Variants in BRWD1 observed in about 807,000 individuals in gnomAD.
The protein encoded by BRWD1 is bromodomain and WD repeat-containing protein 1.
A neutral mutation model predicts 251.2 loss-of-function variants in BRWD1; 82 were observed. The ratio of observed to expected loss-of-function variants is 0.33; its 90% CI spans 0.27 to 0.39. BRWD1 has a LOEUF of 0.39. Among genes scored for constraint, BRWD1 ranks in the 10% least tolerant of loss-of-function variants. The pLI is 1.00. For missense variants in BRWD1, 2,233 were observed against 2,711.6 expected (o/e 0.82, Z 3.92); for synonymous variants, 918 against 902.8 (o/e 1.02, Z -0.30).
intron 34 of BRWD1, among the ~76,000 whole-genome samples, 155 bp from the exon 35 acceptor site, chr21:39,211,084 A>G (rs932520356): frequency 2.0e-5 from 3 of 152,212 alleles, no homozygotes; most frequent in African/African-American, 7.2e-5. Context: ...TAAACTATGC[A>G]TGAAACGTAA....
chr21:39,229,274 TA>T, intron 26 of BRWD1, 37 bp downstream of exon 26: 2 of 1,524,610 alleles, frequency 1.3e-6, no homozygotes, highest in Non-Finnish European at 1.8e-6. Context: ...ATGGCAAATT[TA>T]AATTTAAGTA....
intron 8 of BRWD1, among the ~76,000 whole-genome samples, chr21:39,282,954 C>T (rs939197542): frequency 3.1e-5 from 4 of 128,174 alleles, no homozygotes; most frequent in Admixed American, 8.1e-5. Flanking sequence ...AGCGGAACTC[C>T]GTCACAAAAA....
chr21:39,191,528 G>A lies in BRWD1; in HGVS notation c.*4731C>T. Reference sequence around the variant, plus strand: ...TAGAACATTAACGATCTTATGTGAAGTGGAAAACTAAAGATCTGCTTGACA... The same window carrying A: ...TAGAACATTAACGATCTTATGTGAAATGGAAAACTAAAGATCTGCTTGACA... On this transcript the variant is annotated 3_prime_UTR_variant, in exon 41 of 41. Transcript: ENST00000342449. 1.0e-6 allele frequency: 1 copy of A among 980,240 alleles called. No homozygotes were observed. Among genetic ancestry groups the A allele is most frequent in the Non-Finnish European group, 1.2e-6 (1 of 825,264 alleles). 60.7% of individuals were successfully genotyped at this position (980,240 alleles called of 1,614,324 possible). A position where few individuals can be genotyped will look rare whatever the true frequency, so the allele number is the denominator to read the frequency against.
chr21:39,273,433 T>C (rs1410150087), intron 13 of BRWD1, among the ~76,000 whole-genome samples: 2 of 152,192 alleles, frequency 1.3e-5, no homozygotes, highest in African/African-American at 4.8e-5. Context: ...ATTTTGAAAA[T>C]GCAATACAAT....
At chr21:39,297,566 G>A (rs1485545925) in intron 5 of BRWD1, 3 of 309,724 alleles carry the variant, frequency 9.7e-6, no homozygotes, top group African/African-American at 2.3e-5. Context: ...GGACACAGAA[G>A]AGGAAGAATA....
chr21:39,188,053 T>C lies in BRWD1; in HGVS notation c.*8206A>G, dbSNP rs1304197086. The C allele has an allele frequency of 4.1e-6, 4 of 985,284 alleles. No homozygotes were observed. The highest frequency in any genetic ancestry group is 1.7e-5 in the African/African-American group (1 of 57,242). The allele number at this position is 985,284 out of a possible 1,614,324, so 61.0% of individuals were successfully genotyped here. A position where few individuals can be genotyped will look rare whatever the true frequency, so the allele number is the denominator to read the frequency against. On this transcript the variant is annotated 3_prime_UTR_variant, in exon 41 of 41. Coordinates refer to ENST00000342449, the MANE Select transcript of BRWD1 (RefSeq NM_033656.4). Reference sequence around the variant, plus strand: ...CACACTGGAGCTCTACACAGCCACATGATGCCAGAGCTACTACTCCGTGCT... The same window carrying C: ...CACACTGGAGCTCTACACAGCCACACGATGCCAGAGCTACTACTCCGTGCT...
chr21:39,287,974 T>C (rs570875897), intron 8 of BRWD1, among the ~76,000 whole-genome samples: 2 of 152,320 alleles, frequency 1.3e-5, no homozygotes, highest in East Asian at 3.9e-4. Flanking sequence ...TCATAGTCTC[T>C]ATGGTCCAAG....
intron 18 of BRWD1, among the ~76,000 whole-genome samples, chr21:39,256,071 G>A (rs2034553991): frequency 6.6e-6 from 1 of 152,104 alleles, no homozygotes; most frequent in Non-Finnish European, 1.5e-5. Flanking sequence ...TCTTAACCAC[G>A]GCTTCCCAAA....
chr21:39,317,373 T>C (rs2036709625), upstream of BRWD1, among the ~76,000 whole-genome samples: 1 of 152,236 alleles, frequency 6.6e-6, no homozygotes, highest in African/African-American at 2.4e-5. Flanking sequence ...CATTAAGCTA[T>C]AGGGTTGCAT....
intron 8 of BRWD1, among the ~76,000 whole-genome samples, chr21:39,287,739 C>G (rs2035686204): frequency 6.6e-6 from 1 of 152,096 alleles, no homozygotes; most frequent in African/African-American, 2.4e-5. Flanking sequence ...TTTTTTCTAT[C>G]CTTAATTTCT....
At chr21:39,213,440 G>A (rs756162136) in intron 33 of BRWD1, 41 bp downstream of exon 33, 1 of 1,520,916 alleles carries the variant, frequency 6.6e-7, no homozygotes, top group South Asian at 1.1e-5. Context: ...AATACCATTT[G>A]AAATTAACAA....
Position 39,270,271 on chromosome 21 carries a change from G to GA in BRWD1, c.1395+11dup, listed in dbSNP as rs769697217. ...AAATCTCATTTGTTACACTGTACCA[G>GA]AAATTACCTACCATTAAGTTATGAA... On this transcript the variant is annotated intron_variant, in intron 14 of 40. Coordinates refer to ENST00000342449, the MANE Select transcript of BRWD1 (RefSeq NM_033656.4). 3 of 1,547,672 alleles carry GA rather than the reference G, an allele frequency of 1.9e-6. No homozygotes were observed.
At chr21:39,211,598 G>A (rs970460273) in intron 34 of BRWD1, among the ~76,000 whole-genome samples, 2 of 152,074 alleles carry the variant, frequency 1.3e-5, no homozygotes, top group Non-Finnish European at 2.9e-5. Context: ...CCATGATTCT[G>A]ACCTAGAGAC....
intron 15 of BRWD1, among the ~76,000 whole-genome samples, chr21:39,266,302 GTA>G (rs2034920731): frequency 6.6e-6 from 1 of 151,942 alleles, no homozygotes; most frequent in Non-Finnish European, 1.5e-5. Context: ...AATTGTGTGT[GTA>G]TATATATTAT....
rs112778322 is a variant in BRWD1 at position 39,301,206 on chromosome 21, G to A, written c.199-2624C>T. The stretch of plus-strand genomic sequence containing the variant: ...AAAAAAAAAAAAGGAAACCACCTAG[G>A]TGCACATGTGAAAGGCAGCTTCTGA... On this transcript the variant is annotated intron_variant, in intron 4 of 40. Coordinates refer to ENST00000342449, the MANE Select transcript of BRWD1 (RefSeq NM_033656.4). Among the ~76,000 whole-genome samples the A allele has an allele frequency of 2.8e-3, 431 of 151,942 alleles. 2 individuals are homozygous for A. Among genetic ancestry groups the A allele is most frequent in the African/African-American group, 9.8e-3 (408 of 41,466 alleles).
Position 39,195,174 on chromosome 21 carries a change from A to G in BRWD1, c.*1085T>C. On this transcript the variant is annotated 3_prime_UTR_variant, in exon 41 of 41. Coordinates refer to ENST00000342449, the MANE Select transcript of BRWD1 (RefSeq NM_033656.4). ...ATACATTTAGTTGCCCCAGCAAAGA[A>G]TGCTTAGGATTGCACATGGAAGCAG... The G allele has an allele frequency of 9.4e-7, 1 of 1,063,612 alleles. No individual in the cohort carries two copies. Among genetic ancestry groups the G allele is most frequent in the Admixed American group, 5.1e-5 (1 of 19,580 alleles). The allele number at this position is 1,063,612 out of a possible 1,614,324, so 65.9% of individuals were successfully genotyped here.
rs1475253059 is a variant in BRWD1 at position 39,193,594 on chromosome 21, C to G, written c.*2665G>C. 5 of 985,268 alleles carry G rather than the reference C, an allele frequency of 5.1e-6. No individual in the cohort carries two copies. Among genetic ancestry groups the G allele is most frequent in the Non-Finnish European group, 6.0e-6 (5 of 829,610 alleles). The allele number at this position is 985,268 out of a possible 1,614,324, so 61.0% of individuals were successfully genotyped here. A position where few individuals can be genotyped will look rare whatever the true frequency, so the allele number is the denominator to read the frequency against. On this transcript the variant is annotated 3_prime_UTR_variant, in exon 41 of 41. Coordinates refer to ENST00000342449, the MANE Select transcript of BRWD1 (RefSeq NM_033656.4). ...AAAACCATAGGACTTTGGACATACACAACCAAAGTAGTTTTTGTTTTTCAC... is the reference window on the plus strand; with the variant it reads ...AAAACCATAGGACTTTGGACATACAGAACCAAAGTAGTTTTTGTTTTTCAC...
upstream of BRWD1, chr21:39,313,887 C>T (rs970933746): frequency 3.1e-6 from 1 of 322,994 alleles, no homozygotes; most frequent in Non-Finnish European, 5.9e-6. Context: ...AATGAGGCGG[C>T]TGCCCGGGCT....
chr21:39,225,275 A>G, intron 27 of BRWD1, 78 bp from the exon 28 acceptor site: 1 of 965,690 alleles, frequency 1.0e-6, no homozygotes, highest in South Asian at 1.4e-5. Flanking sequence ...AAAATACCAT[A>G]TGATACAGAT....
Sources: allele counts gnomAD v4.1 joint callset (sites outside exome capture counted in the v4.1 genomes callset), GRCh38; gene constraint gnomAD v4.1.1; transcripts MANE v1.5; gene names NCBI Gene and HGNC (gene_info 2026-07-23, HGNC 2026-07-21).